Variants in TLE7 observed in about 807,000 individuals in gnomAD.
TLE7 encodes transducin-like enhancer protein 7.
chr16:71,434,670 C>A (rs559067764), intron 1 of TLE7, among the ~76,000 whole-genome samples: 10 of 152,038 alleles, frequency 6.6e-5, no homozygotes, highest in Non-Finnish European at 1.5e-4. Context: ...CTATATGGGC[C>A]CCATTTTATA....
chr16:71,438,445 A>G (rs2042835058), intron 1 of TLE7, among the ~76,000 whole-genome samples: 2 of 139,754 alleles, frequency 1.4e-5, no homozygotes, highest in Non-Finnish European at 3.1e-5. Context: ...AAAAAAAGAG[A>G]GAGAGAAAGA....
rs2042801466 is a variant in TLE7, at chr16:71,431,171, G to A, written c.1097C>T (p.Ala366Val). 2.5e-6 allele frequency: 1 copy of A among 400,566 alleles called. No individual in the cohort carries two copies. The highest frequency in any genetic ancestry group is 4.4e-6 in the Non-Finnish European group (1 of 226,238). 24.8% of individuals were successfully genotyped at this position (400,566 alleles called of 1,614,324 possible). Residue 366 changes from alanine to valine, a missense_variant, in exon 8 of 10, where the codon GCT becomes GTT. Coordinates refer to ENST00000561754, the MANE Select transcript of TLE7 (RefSeq NM_001367365.2). This position sits in a 1 kb window ranked among gnomAD's most constrained non-coding sequence, Gnocchi z 4.5. Reference protein sequence around the residue: ...LHTRRNEQFKALMKKYTRHHS... With the variant: ...LHTRRNEQFKVLMKKYTRHHS... Reference sequence around the variant, plus strand: ...GTGGCGGGTGTATTTTTTCATGAGAGCCTTAAACTGCTCATTCCGACGAGT... The same window carrying A: ...GTGGCGGGTGTATTTTTTCATGAGAACCTTAAACTGCTCATTCCGACGAGT...
chr16:71,441,389 GCACTAAC>G (rs771033062), intron 1 of TLE7, among the ~76,000 whole-genome samples: 345 of 152,352 alleles, frequency 2.3e-3, no homozygotes, highest in Non-Finnish European at 4.2e-3. Context: ...TGCAATGGCT[GCACTAAC>G]CACTCAGAGC....
At chr16:71,434,945 G>C (rs978695983) in intron 1 of TLE7, among the ~76,000 whole-genome samples, 2 of 152,218 alleles carry the variant, frequency 1.3e-5, no homozygotes, top group Admixed American at 1.3e-4. Context: ...AGCACTGTTT[G>C]TGACAATATT....
chr16:71,439,532 AAGG>A (rs1256302518), intron 1 of TLE7, among the ~76,000 whole-genome samples: 2 of 151,820 alleles, frequency 1.3e-5, no homozygotes, highest in Non-Finnish European at 2.9e-5. Context: ...TGGGTTTCAG[AAGG>A]AGGACTGTAG....
intron 1 of TLE7, among the ~76,000 whole-genome samples, chr16:71,441,208 G>C (rs745347052): frequency 5.3e-5 from 8 of 152,186 alleles, no homozygotes; most frequent in Non-Finnish European, 1.0e-4. Context: ...TGTGGGCCTC[G>C]CAGCAGGATT....
intron 1 of TLE7, among the ~76,000 whole-genome samples, chr16:71,439,595 G>A (rs2042839574): frequency 6.6e-6 from 1 of 152,050 alleles, no homozygotes; most frequent in Non-Finnish European, 1.5e-5. Context: ...TGGAGGCTGG[G>A]AACCAGCTAA....
rs1053461253 is a variant in TLE7, at chr16:71,433,047, G to A, written c.278C>T (p.Ala93Val). The A allele has an allele frequency of 1.5e-5, 6 of 398,656 alleles. No homozygotes were observed. The highest frequency in any genetic ancestry group is 2.7e-5 in the Non-Finnish European group (6 of 226,182). The allele number at this position is 398,656 out of a possible 1,614,324, so 24.7% of individuals were successfully genotyped here. Reference protein sequence around the residue: ...SELQAAGLPDAQPGEAAESSP... With the variant: ...SELQAAGLPDVQPGEAAESSP... ...GGACTCTGCTGCTTCTCCTGGTTGT[G>A]CATCAGGGAGCCCAGCGGCCTGGAG... Residue 93 changes from alanine to valine, a missense_variant, in exon 2 of 10, where the codon GCA becomes GTA. Transcript: ENST00000561754.
chr16:71,438,686 A>G (rs1400694191), intron 1 of TLE7, among the ~76,000 whole-genome samples: 2 of 150,960 alleles, frequency 1.3e-5, no homozygotes, highest in African/African-American at 4.9e-5. Context: ...CATCTCAAAA[A>G]AAAAAAAAAA....
chr16:71,437,300 G>C (rs1476970684), intron 1 of TLE7, among the ~76,000 whole-genome samples: 2 of 143,556 alleles, frequency 1.4e-5, no homozygotes, highest in African/African-American at 5.2e-5. Context: ...AGTGAGCTGA[G>C]ATTGCGCCAC....
At chr16:71,437,920 G>A (rs951226735) in intron 1 of TLE7, among the ~76,000 whole-genome samples, 5 of 152,112 alleles carry the variant, frequency 3.3e-5, no homozygotes, top group Admixed American at 6.5e-5. Flanking sequence ...AACGTCTGTG[G>A]CTGCCTATTG....
chr16:71,432,330 G>A lies in TLE7; in HGVS notation c.394-5C>T. 2.5e-6 allele frequency: 1 copy of A among 400,676 alleles called. No individual in the cohort carries two copies. Among genetic ancestry groups the A allele is most frequent in the Non-Finnish European group, 4.4e-6 (1 of 226,268 alleles). The allele number at this position is 400,676 out of a possible 1,614,324, so 24.8% of individuals were successfully genotyped here. A position where few individuals can be genotyped will look rare whatever the true frequency, so the allele number is the denominator to read the frequency against. On this transcript the variant is annotated splice_polypyrimidine_tract_variant and splice_region_variant and intron_variant, in intron 4 of 9. Transcript: ENST00000561754. ...AACTTCATCTGGAATGGGGGGCTAG[G>A]CAAGGAGAGGGTGGGTAGCAGTGGC...
intron 1 of TLE7, among the ~76,000 whole-genome samples, chr16:71,441,490 G>A (rs1373871288): frequency 6.6e-6 from 1 of 152,262 alleles, no homozygotes; most frequent in African/African-American, 2.4e-5. Context: ...GACTCCGGCC[G>A]TGGGCAGCTG....
intron 1 of TLE7, among the ~76,000 whole-genome samples, chr16:71,438,397 C>T (rs1173926116): frequency 7.3e-6 from 1 of 137,016 alleles, no homozygotes; most frequent in African/African-American, 2.8e-5. Flanking sequence ...TCCACTCCAG[C>T]CTGGGTGACA....
At chr16:71,433,851 G>A (rs2042816472) in intron 1 of TLE7, among the ~76,000 whole-genome samples, 1 of 149,884 alleles carries the variant, frequency 6.7e-6, no homozygotes, top group South Asian at 2.1e-4. Context: ...CCAGCTACTT[G>A]GGAGGCTGAG....
At chr16:71,434,109 G>T (rs1449054791) in intron 1 of TLE7, among the ~76,000 whole-genome samples, 1 of 152,216 alleles carries the variant, frequency 6.6e-6, no homozygotes, top group Non-Finnish European at 1.5e-5. Context: ...GAGATCATAA[G>T]AATATAAGGT....
At chr16:71,432,965 C>T (rs1596985089) in intron 2 of TLE7, 49 bp downstream of exon 2, 1 of 399,192 alleles carries the variant, frequency 2.5e-6, no homozygotes, top group East Asian at 3.6e-5. Context: ...ATGCCCTCTC[C>T]CCAGTCCAGT....
chr16:71,437,655 G>T (rs975817515), intron 1 of TLE7, among the ~76,000 whole-genome samples: 7 of 151,934 alleles, frequency 4.6e-5, no homozygotes, highest in Non-Finnish European at 7.4e-5. Flanking sequence ...AGAGGAAGGG[G>T]TGATGAAGCT....
chr16:71,432,924 C>A (rs1025436768), intron 2 of TLE7, 32 bp from the exon 3 acceptor site: 3 of 399,042 alleles, frequency 7.5e-6, no homozygotes, highest in Admixed American at 8.8e-5. Context: ...AGGGAGGAGA[C>A]AGAGTGTGAG....
Sources: allele counts gnomAD v4.1 joint callset (sites outside exome capture counted in the v4.1 genomes callset), GRCh38; gene constraint gnomAD v4.1.1; non-coding constraint Gnocchi (gnomAD v3.1); transcripts MANE v1.5; gene names NCBI Gene and HGNC (gene_info 2026-07-23, HGNC 2026-07-21).